TMEM182: variants seen among roughly 807,000 people sequenced by gnomAD.
TMEM182 encodes transmembrane protein 182.
TMEM182 carries 20 observed loss-of-function variants against 26.8 expected under a neutral mutation model. That is an observed-to-expected ratio of 0.75 (90% CI 0.53 to 1.09). The LOEUF (loss-of-function observed/expected upper bound fraction) is 1.09, where lower values mean the gene tolerates loss of function less well. Ranked by LOEUF, TMEM182 falls within the 50% of genes least tolerant of loss-of-function variation. The probability of loss-of-function intolerance (pLI) is 0.00; values close to 1 mark genes in which losing one functional copy is unlikely to be tolerated. For missense variants in TMEM182, 277 were observed against 275.5 expected (o/e 1.01, Z -0.04); for synonymous variants, 109 against 102.2 (o/e 1.07, Z -0.40).
At chr2:102,803,125 T>G (rs1682215350) in intron 4 of TMEM182, among the ~76,000 whole-genome samples, 1 of 152,184 alleles carries the variant, frequency 6.6e-6, no homozygotes, top group Non-Finnish European at 1.5e-5. Context: ...GCAGTGTAGC[T>G]TAGTCCCTTG....
chr2:102,754,055 G>A (rs551423381), intron 1 of TMEM182, among the ~76,000 whole-genome samples: 14 of 152,158 alleles, frequency 9.2e-5, no homozygotes, highest in Non-Finnish European at 4.4e-5. Flanking sequence ...ATATTAAAGG[G>A]TCAGTAGAAT....
chr2:102,744,094 C>T (rs1469842692), intron 1 of TMEM182, among the ~76,000 whole-genome samples: 1 of 152,186 alleles, frequency 6.6e-6, no homozygotes, highest in Non-Finnish European at 1.5e-5. Context: ...ACTTTAACAT[C>T]AGCAGAATAC....
In TMEM182 at chr2:102,774,250, C is replaced by CTTTTTTTTTTTTTTTT. The variant is rs774047240; in HGVS notation, c.331+9830_331+9845dup. Among the ~76,000 whole-genome samples, 81 of 96,118 alleles carry CTTTTTTTTTTTTTTTT rather than the reference C, an allele frequency of 8.4e-4. 2 individuals are homozygous for CTTTTTTTTTTTTTTTT. Among genetic ancestry groups the CTTTTTTTTTTTTTTTT allele is most frequent in the South Asian group, 2.1e-3 (5 of 2,424 alleles). 63.1% of individuals were successfully genotyped at this position (96,118 alleles called of 152,430 possible). On this transcript the variant is annotated intron_variant, in intron 3 of 4. Transcript: ENST00000412401. The stretch of plus-strand genomic sequence containing the variant: ...GATGTTTTTTACACTTTCTTTCTTT[C>CTTTTTTTTTTTTTTTT]TTTTTTTTTTTTTTTTTTTTTTGGT...
At chr2:102,827,311 A>G (rs1683052541) in intron 3 of TMEM182, among the ~76,000 whole-genome samples, 1 of 152,216 alleles carries the variant, frequency 6.6e-6, no homozygotes, top group East Asian at 1.9e-4. Context: ...TGCAGGGGAA[A>G]TTCAGTTGGA....
chr2:102,814,554 C>T lies in TMEM182; in HGVS notation c.470-194C>T, dbSNP rs963593929. 7.9e-5 allele frequency among the ~76,000 whole-genome samples: 12 copies of T among 152,278 alleles called. No individual in the cohort carries two copies. The South Asian group carries it at 1.2e-3, about 16-fold the overall frequency. ...GCTGTTCTTAGGCTACTATAGCCCT[C>T]CTCTCAATGCTTTGAAGATGAAAGA... On this transcript the variant is annotated intron_variant, in intron 4 of 4. Transcript: ENST00000412401.
intron 1 of TMEM182, among the ~76,000 whole-genome samples, chr2:102,738,805 CAGTT>C (rs1431601973): frequency 8.5e-5 from 13 of 152,164 alleles, no homozygotes; most frequent in African/African-American, 2.9e-4. Context: ...GTAGTTTAGT[CAGTT>C]GGTTGAAATT....
rs527308334 is a variant in TMEM182 at position 102,840,329 on chromosome 2, G to A, written c.326-3083G>A. 2.0e-5 allele frequency among the ~76,000 whole-genome samples: 3 copies of A among 152,302 alleles called. No homozygotes were observed. In the East Asian group the frequency reaches 5.8e-4, roughly 29 times the overall value. ...TGCGAAATCGCCATATATTGTGGAT[G>A]CTGCATTTTCCTGATTGTTGTAACC... On this transcript the variant is annotated intron_variant, in intron 3 of 3. Transcript: ENST00000486293.
chr2:102,824,415 T>C (rs1350303639), intron 3 of TMEM182, among the ~76,000 whole-genome samples: 1 of 152,160 alleles, frequency 6.6e-6, no homozygotes, highest in East Asian at 1.9e-4. Context: ...GTTTGGACCA[T>C]GGGAGTGGAC....
At chr2:102,835,614 A>T (rs1018319744) in intron 3 of TMEM182, among the ~76,000 whole-genome samples, 3 of 151,790 alleles carry the variant, frequency 2.0e-5, no homozygotes, top group Admixed American at 6.6e-5. Flanking sequence ...TGTTTATTCC[A>T]CCCAACCCCT....
intron 3 of TMEM182, among the ~76,000 whole-genome samples, chr2:102,842,709 C>G (rs929870842): frequency 1.3e-5 from 2 of 152,132 alleles, no homozygotes; most frequent in African/African-American, 4.8e-5. Context: ...TGCTGCATAT[C>G]TTTGCGATTT....
intron 3 of TMEM182, among the ~76,000 whole-genome samples, chr2:102,766,539 C>T (rs917653052): frequency 6.6e-6 from 1 of 152,100 alleles, no homozygotes; most frequent in East Asian, 1.9e-4. Flanking sequence ...TAATAATATA[C>T]AAGGAAATTT....
At chr2:102,829,957 G>A (rs1434652707) in intron 3 of TMEM182, among the ~76,000 whole-genome samples, 1 of 152,192 alleles carries the variant, frequency 6.6e-6, no homozygotes, top group Non-Finnish European at 1.5e-5. Context: ...ATAGGTTACT[G>A]TTCATATTAC....
intron 1 of TMEM182, among the ~76,000 whole-genome samples, chr2:102,746,676 C>T (rs1427309405): frequency 6.6e-6 from 1 of 152,118 alleles, no homozygotes; most frequent in Non-Finnish European, 1.5e-5. Context: ...TCACTGAACC[C>T]CTCCCGGGTT....
In TMEM182 at chr2:102,762,585, A is replaced by G. The variant is rs1308221173; in HGVS notation, c.133-2A>G. 3 of 1,613,110 alleles carry G rather than the reference A, an allele frequency of 1.9e-6. No individual in the cohort carries two copies. Among genetic ancestry groups the G allele is most frequent in the South Asian group, 1.1e-5 (1 of 90,868 alleles). On this transcript the variant is annotated splice_acceptor_variant, in intron 1 of 4. Coordinates refer to ENST00000412401, the MANE Select transcript of TMEM182 (RefSeq NM_144632.5). LOFTEE classifies it high-confidence loss of function. ...CAAGTTACTTCATTTTGTTCTGTGC[A>G]GATAGAGAACGTCACTTTTCACCAT...
chr2:102,743,044 C>G (rs1008421360), intron 1 of TMEM182, among the ~76,000 whole-genome samples: 31 of 151,982 alleles, frequency 2.0e-4, no homozygotes, highest in African/African-American at 5.8e-4. Context: ...ATTAATTGAT[C>G]TAAAAGATAA....
chr2:102,839,179 G>A (rs1185853290), intron 3 of TMEM182, among the ~76,000 whole-genome samples: 1 of 151,874 alleles, frequency 6.6e-6, no homozygotes, highest in East Asian at 1.9e-4. Context: ...TAAACAGTGG[G>A]TACTAAATAC....
At chr2:102,749,837 AAAATAC>A (rs1338649765) in intron 1 of TMEM182, among the ~76,000 whole-genome samples, 1 of 152,108 alleles carries the variant, frequency 6.6e-6, no homozygotes, top group Non-Finnish European at 1.5e-5. Flanking sequence ...TTTTATGTAA[AAAATAC>A]AAATATTTGC....
intron 3 of TMEM182, among the ~76,000 whole-genome samples, chr2:102,837,422 A>G (rs1399778339): frequency 6.6e-6 from 1 of 152,142 alleles, no homozygotes; most frequent in African/African-American, 2.4e-5. Flanking sequence ...GCTGTTGTTA[A>G]TAGGGTGGAG....
intron 3 of TMEM182, among the ~76,000 whole-genome samples, chr2:102,831,156 G>A (rs1211711207): frequency 6.6e-6 from 1 of 152,186 alleles, no homozygotes; most frequent in East Asian, 1.9e-4. Context: ...GAACAGTGCT[G>A]CAACAAACAT....
Sources: gnomAD v4.1 joint callset for allele counts (sites outside exome capture counted in the v4.1 genomes callset) on GRCh38, gnomAD v4.1.1 for gene constraint, MANE v1.5 for transcripts, NCBI Gene and HGNC (gene_info 2026-07-23, HGNC 2026-07-21) for gene names.